FARSB: variants seen among roughly 807,000 people sequenced by gnomAD.
The protein encoded by FARSB is phenylalanyl-tRNA synthetase subunit beta.
Under a neutral mutation model 69.6 loss-of-function variants are expected in FARSB, and 40 were observed. That is an observed-to-expected ratio of 0.57 (90% CI 0.45 to 0.75). The LOEUF (loss-of-function observed/expected upper bound fraction) is 0.75, where lower values mean the gene tolerates loss of function less well. Among genes scored for constraint, FARSB ranks in the 30% least tolerant of loss-of-function variants. FARSB has a pLI of 0.00. For synonymous variants in FARSB, 235 were observed against 247.2 expected (o/e 0.95, Z 0.46); for missense variants, 632 against 722.9 (o/e 0.87, Z 1.44).
intron 16 of FARSB, among the ~76,000 whole-genome samples, chr2:222,572,689 C>G (rs1689746477): frequency 6.6e-6 from 1 of 152,206 alleles, no homozygotes; most frequent in Non-Finnish European, 1.5e-5. Flanking sequence ...TAACACAAGT[C>G]TGGGTTGATG....
intron 2 of FARSB, among the ~76,000 whole-genome samples, chr2:222,646,506 C>CT (rs1326239582): frequency 6.6e-6 from 1 of 152,104 alleles, no homozygotes; most frequent in Admixed American, 6.5e-5. Context: ...TAACCATATT[C>CT]TTTTAATTTG....
rs1403560974 is a variant in FARSB, at chr2:222,647,941, T to C, written c.114+799A>G. 2.0e-5 allele frequency among the ~76,000 whole-genome samples: 3 copies of C among 152,196 alleles called. No homozygotes were observed. The East Asian group carries it at 5.8e-4, about 29-fold the overall frequency. ...TTGGTAAAAGGTTGCTTGGGCCACATCCCCAGTTTCTGGTTCAGTAGGGCT... is the reference window on the plus strand; with the variant it reads ...TTGGTAAAAGGTTGCTTGGGCCACACCCCCAGTTTCTGGTTCAGTAGGGCT... On this transcript the variant is annotated intron_variant, in intron 2 of 16. Transcript: ENST00000281828.
At chr2:222,606,712 T>C (rs1415701233) in intron 15 of FARSB, among the ~76,000 whole-genome samples, 2 of 152,196 alleles carry the variant, frequency 1.3e-5, no homozygotes, top group South Asian at 2.1e-4. Context: ...TACATATAAC[T>C]CAAATTTTTC....
intron 16 of FARSB, among the ~76,000 whole-genome samples, chr2:222,579,469 T>A (rs982661806): frequency 1.6e-4 from 25 of 152,266 alleles, no homozygotes; most frequent in African/African-American, 5.8e-4. Context: ...ATTTTTTAAA[T>A]CCCATATAAC....
intron 16 of FARSB, among the ~76,000 whole-genome samples, chr2:222,593,832 T>G (rs1411406508): frequency 2.0e-5 from 3 of 151,718 alleles, no homozygotes; most frequent in Non-Finnish European, 2.9e-5. Context: ...TGCACTCCAG[T>G]CTGGGTGACA....
intron 16 of FARSB, among the ~76,000 whole-genome samples, 182 bp downstream of exon 16, chr2:222,599,746 A>G (rs1171580272): frequency 6.6e-6 from 1 of 152,222 alleles, no homozygotes; most frequent in African/African-American, 2.4e-5. Flanking sequence ...AGTTCTGAAA[A>G]GTGTTTTCTT....
chr2:222,633,320 T>C lies in FARSB; in HGVS notation c.607-13A>G, dbSNP rs1691486951. 7.9e-7 allele frequency: 1 copy of C among 1,257,964 alleles called. No individual in the cohort carries two copies. Among genetic ancestry groups the C allele is most frequent in the Non-Finnish European group, 1.1e-6 (1 of 876,024 alleles). 77.9% of individuals were successfully genotyped at this position (1,257,964 alleles called of 1,614,324 possible). A position where few individuals can be genotyped will look rare whatever the true frequency, so the allele number is the denominator to read the frequency against. ...GGTGATTGTCAGTCTGAAAACAAAT[T>C]AAGTCAAATAAAATTAGTTTTTTTT... On this transcript the variant is annotated splice_polypyrimidine_tract_variant and intron_variant, in intron 6 of 16. Transcript: ENST00000281828.
intron 16 of FARSB, among the ~76,000 whole-genome samples, chr2:222,575,641 A>ATG (rs1480174873): frequency 6.6e-6 from 1 of 152,232 alleles, no homozygotes; most frequent in Non-Finnish European, 1.5e-5. Flanking sequence ...CATAAAACAG[A>ATG]TGTGGGGGAA....
chr2:222,625,040 A>G (rs953066032), intron 10 of FARSB, among the ~76,000 whole-genome samples: 5 of 152,230 alleles, frequency 3.3e-5, no homozygotes, highest in African/African-American at 9.6e-5. Flanking sequence ...CCTTTCAGAT[A>G]GTCATTCCCC....
In FARSB at chr2:222,605,252, A is replaced by G. The variant is rs533484303; in HGVS notation, c.1463-5169T>C. On this transcript the variant is annotated intron_variant, in intron 15 of 16. Transcript: ENST00000281828. ...AGGGAAAAAAATGAAACGAAACAGA[A>G]CTAAATTATCCCTTTCATACTACTG... Among the ~76,000 whole-genome samples, 7 of 151,946 alleles carry G rather than the reference A, an allele frequency of 4.6e-5. No individual in the cohort carries two copies. In the East Asian group the frequency reaches 7.8e-4, roughly 17 times the overall value.
chr2:222,619,835 A>G lies in FARSB; in HGVS notation c.1252-98T>C. 3 of 685,200 alleles carry G rather than the reference A, an allele frequency of 4.4e-6. No homozygotes were observed. The South Asian group carries it at 4.9e-5, about 11-fold the overall frequency. 42.4% of individuals were successfully genotyped at this position (685,200 alleles called of 1,614,324 possible). A position where few individuals can be genotyped will look rare whatever the true frequency, so the allele number is the denominator to read the frequency against. On this transcript the variant is annotated intron_variant, in intron 13 of 16. Transcript: ENST00000281828. Reference sequence around the variant, plus strand: ...AAGTCAACTTCTAAGAGCAATTTATATTCTCTACACATATCAGCAAGTTAA... The same window carrying G: ...AAGTCAACTTCTAAGAGCAATTTATGTTCTCTACACATATCAGCAAGTTAA...
In FARSB at chr2:222,642,868, A is replaced by G; in HGVS notation, c.252T>C (p.Leu84=). The G allele has an allele frequency of 6.2e-7, 1 of 1,607,312 alleles. No homozygotes were observed. The highest frequency in any genetic ancestry group is 8.5e-7 in the Non-Finnish European group (1 of 1,177,214). The change falls in exon 3 of 17, where the codon CTT becomes CTC. Residue 84 remains leucine (L), a synonymous_variant. Coordinates refer to ENST00000281828, the MANE Select transcript of FARSB (RefSeq NM_005687.5). ...TTCCTTACCTTTCTTTGAAGACCTGAAGTCCTCGAACCAATCCTTCCAGAC... is the reference window on the plus strand; with the variant it reads ...TTCCTTACCTTTCTTTGAAGACCTGGAGTCCTCGAACCAATCCTTCCAGAC... ...LLCLEGLVRG[L]QVFKERIKAP...
chr2:222,620,066 G>A (rs1457630696), intron 13 of FARSB, among the ~76,000 whole-genome samples: 3 of 151,866 alleles, frequency 2.0e-5, no homozygotes, highest in African/African-American at 2.4e-5. Context: ...AACTGTACTC[G>A]GGCCCTTCCT....
intron 6 of FARSB, 147 bp from the exon 7 acceptor site, chr2:222,633,454 C>T (rs986169127): frequency 5.5e-5 from 25 of 450,552 alleles, no homozygotes; most frequent in African/African-American, 3.0e-4. Context: ...AGGCTGAGGC[C>T]GGTGGATCAC....
At position 222,628,706 on chromosome 2, in the gene FARSB, T is replaced by C. The variant is rs74493825; in HGVS notation, c.900+131A>G. 18,075 of 596,930 alleles carry C rather than the reference T, an allele frequency of 0.03. 713 individuals are homozygous for C. Among genetic ancestry groups the C allele is most frequent in the African/African-American group, 0.14 (7,420 of 52,908 alleles). The allele number at this position is 596,930 out of a possible 1,614,324, so 37.0% of individuals were successfully genotyped here. A position where few individuals can be genotyped will look rare whatever the true frequency, so the allele number is the denominator to read the frequency against. On this transcript the variant is annotated intron_variant, in intron 10 of 16. Coordinates refer to ENST00000281828, the MANE Select transcript of FARSB (RefSeq NM_005687.5). ...TATGGTGAAGACTAAATCCATGTAATGCACATAGTGTAGCGCCTGGCACAC... is the reference window on the plus strand; with the variant it reads ...TATGGTGAAGACTAAATCCATGTAACGCACATAGTGTAGCGCCTGGCACAC...
chr2:222,633,201 T>C lies in FARSB; in HGVS notation c.713A>G (p.Asn238Ser), dbSNP rs1468056475. The C allele has an allele frequency of 5.0e-6, 7 of 1,394,672 alleles. No homozygotes were observed. Among genetic ancestry groups the C allele is most frequent in the African/African-American group, 1.4e-5 (1 of 70,604 alleles). 86.4% of individuals were successfully genotyped at this position (1,394,672 alleles called of 1,614,324 possible). The stretch of plus-strand genomic sequence containing the variant: ...GTGATGCTTATAAAATAACTCACCA[T>C]TGATGATGGGAGGCATTGAAAGGAC... Reference protein sequence around the residue: ...GVVLSMPPIINGDHSRITVNT... With the variant: ...GVVLSMPPIISGDHSRITVNT... The change falls in exon 7 of 17, where the codon AAT (asparagine) becomes AGT (serine). Residue 238 changes from asparagine (N) to serine (S), a missense_variant and splice_region_variant. Coordinates refer to ENST00000281828, the MANE Select transcript of FARSB (RefSeq NM_005687.5).
chr2:222,619,331 A>C (rs2106214777), intron 14 of FARSB, among the ~76,000 whole-genome samples: 1 of 152,016 alleles, frequency 6.6e-6, no homozygotes, highest in Admixed American at 6.5e-5. Context: ...AAAAAAAAAA[A>C]AAAAAATGAA....
In FARSB at chr2:222,599,825, T is replaced by C. The variant is rs1016299067; in HGVS notation, c.1618+103A>G. The C allele has an allele frequency of 3.4e-6, 3 of 894,760 alleles. No individual in the cohort carries two copies. The South Asian group carries it at 5.6e-5, about 17-fold the overall frequency. 55.4% of individuals were successfully genotyped at this position (894,760 alleles called of 1,614,324 possible). A position where few individuals can be genotyped will look rare whatever the true frequency, so the allele number is the denominator to read the frequency against. On this transcript the variant is annotated intron_variant, in intron 16 of 16. Coordinates refer to ENST00000281828, the MANE Select transcript of FARSB (RefSeq NM_005687.5). ...AATTAATTGAAATAAAACTCTCCCT[T>C]TCTTTCTAAAATCCCAAATCAAAAC...
intron 16 of FARSB, among the ~76,000 whole-genome samples, chr2:222,594,329 G>C (rs1690357289): frequency 6.6e-6 from 1 of 151,986 alleles, no homozygotes; most frequent in South Asian, 2.1e-4. Context: ...TGTATACATT[G>C]CTGATTGGCA....
Sources: allele counts gnomAD v4.1 joint callset (sites outside exome capture counted in the v4.1 genomes callset), GRCh38; gene constraint gnomAD v4.1.1; transcripts MANE v1.5; gene names NCBI Gene and HGNC (gene_info 2026-07-23, HGNC 2026-07-21).